The following MBOAT1 variants were observed in gnomAD, a reference collection of about 807,000 sequenced individuals.
MBOAT1 encodes membrane bound glycerophospholipid O-acyltransferase 1.
Under a neutral mutation model 64.4 loss-of-function variants are expected in MBOAT1, and 67 were observed. That is an observed-to-expected ratio of 1.04 (90% CI 0.85 to 1.27). MBOAT1 has a LOEUF of 1.27. Ranked by LOEUF, MBOAT1 falls within the 50% of genes most tolerant of loss-of-function variation. MBOAT1 has a pLI of 0.00. For synonymous variants in MBOAT1, 229 were observed against 218.9 expected, an observed-to-expected ratio of 1.05 and a Z score of -0.41; for missense variants, 563 against 604.6, an observed-to-expected ratio of 0.93 and a Z score of 0.72.
chr6:20,187,709 G>A (rs1451292801), intron 1 of MBOAT1, among the ~76,000 whole-genome samples: 1 of 152,166 alleles, frequency 6.6e-6, no homozygotes, highest in African/African-American at 2.4e-5. Flanking sequence ...GGTAAAGAAG[G>A]GAAGGAGACT....
At chr6:20,173,143 G>A (rs535781117) in intron 1 of MBOAT1, among the ~76,000 whole-genome samples, 32 of 152,266 alleles carry the variant, frequency 2.1e-4, no homozygotes, top group African/African-American at 6.7e-4. Flanking sequence ...AAGCTGATGC[G>A]GCCATGCTTC....
At chr6:20,105,734 A>G (rs563426282) in intron 12 of MBOAT1, among the ~76,000 whole-genome samples, 4 of 152,320 alleles carry the variant, frequency 2.6e-5, no homozygotes, top group African/African-American at 9.6e-5. Flanking sequence ...TGAGATCACA[A>G]TCGCGCCACT....
chr6:20,206,951 T>C (rs895956540), intron 1 of MBOAT1, among the ~76,000 whole-genome samples: 1 of 152,126 alleles, frequency 6.6e-6, no homozygotes, highest in Non-Finnish European at 1.5e-5. Flanking sequence ...CGCAAGAAGT[T>C]TTCCTCTTCA....
chr6:20,147,264 C>G (rs1449706994), intron 3 of MBOAT1, among the ~76,000 whole-genome samples: 2 of 152,198 alleles, frequency 1.3e-5, no homozygotes, highest in African/African-American at 2.4e-5. Flanking sequence ...AGAATGAGCT[C>G]AAATCCCAGC....
intron 7 of MBOAT1, chr6:20,125,945 T>C (rs894332889): frequency 1.2e-5 from 5 of 407,902 alleles, no homozygotes; most frequent in African/African-American, 1.0e-4. Flanking sequence ...ATTGAGCATA[T>C]TTGTAAAGTT....
At chr6:20,109,487 C>G (rs1400016455) in intron 12 of MBOAT1, 111 bp downstream of exon 12, 13 of 1,311,408 alleles carry the variant, frequency 9.9e-6, no homozygotes, top group Non-Finnish European at 1.3e-5. Context: ...CACACTGAAG[C>G]CCCAGTTAGA....
chr6:20,130,361 T>C (rs961254179), intron 5 of MBOAT1, among the ~76,000 whole-genome samples: 1 of 152,142 alleles, frequency 6.6e-6, no homozygotes, highest in Non-Finnish European at 1.5e-5. Context: ...GTTGTTGTTG[T>C]TGTTGTTGTT....
intron 1 of MBOAT1, among the ~76,000 whole-genome samples, chr6:20,200,029 TG>T (rs1447170065): frequency 6.6e-6 from 1 of 152,178 alleles, no homozygotes; most frequent in East Asian, 1.9e-4. Context: ...ATGGGGACAA[TG>T]GGCAATTATC....
chr6:20,123,852 C>T (rs2483765), intron 8 of MBOAT1, among the ~76,000 whole-genome samples: 2,337 of 152,110 alleles, frequency 0.015, 61 homozygotes, highest in African/African-American at 0.052. Flanking sequence ...GTCAGGAGAT[C>T]GAGACCATCC....
At chr6:20,188,368 C>T (rs1762713279) in intron 1 of MBOAT1, among the ~76,000 whole-genome samples, 1 of 152,166 alleles carries the variant, frequency 6.6e-6, no homozygotes, top group Admixed American at 6.5e-5. Flanking sequence ...CTGCTTCCTC[C>T]TGAAGACCCT....
chr6:20,180,506 C>T (rs1288182076), intron 1 of MBOAT1, among the ~76,000 whole-genome samples: 8 of 152,172 alleles, frequency 5.3e-5, no homozygotes, highest in Admixed American at 2.6e-4. Context: ...GGACAGCTCG[C>T]TAACCCCTTT....
chr6:20,202,032 G>C lies in MBOAT1; in HGVS notation c.99+10104C>G, dbSNP rs1394422595. 2.6e-5 allele frequency among the ~76,000 whole-genome samples: 4 copies of C among 152,184 alleles called. No individual in the cohort carries two copies. The East Asian group carries it at 7.7e-4, about 29-fold the overall frequency. On this transcript the variant is annotated intron_variant, in intron 1 of 12. Coordinates refer to ENST00000324607, the MANE Select transcript of MBOAT1 (RefSeq NM_001080480.3). ...GGGGCAGGGGGTGGGGGAGTCTTAG[G>C]AACAAAGAAGTCTCAATCTAGTGAC...
intron 6 of MBOAT1, among the ~76,000 whole-genome samples, chr6:20,127,321 GATAGA>G (rs963253712): frequency 6.6e-6 from 1 of 152,154 alleles, no homozygotes; most frequent in African/African-American, 2.4e-5. Flanking sequence ...GTTCTAGCAA[GATAGA>G]ATAAAGACTC....
chr6:20,128,611 A>G, intron 6 of MBOAT1, 88 bp downstream of exon 6: 1 of 905,804 alleles, frequency 1.1e-6, no homozygotes, highest in Non-Finnish European at 1.7e-6. Context: ...CATAGAACAG[A>G]ATTAATGTGT....
chr6:20,119,471 C>A (rs915313671), intron 8 of MBOAT1, among the ~76,000 whole-genome samples: 1 of 152,158 alleles, frequency 6.6e-6, no homozygotes, highest in African/African-American at 2.4e-5. Context: ...ACTGTGAAAT[C>A]TTAGATCTGG....
At chr6:20,146,020 T>A (rs1387001760) in intron 3 of MBOAT1, among the ~76,000 whole-genome samples, 2 of 152,214 alleles carry the variant, frequency 1.3e-5, no homozygotes, top group Non-Finnish European at 2.9e-5. Flanking sequence ...CCCCAACTCA[T>A]TGTGACCTTG....
intron 11 of MBOAT1, among the ~76,000 whole-genome samples, chr6:20,110,327 C>T (rs1474991890): frequency 6.6e-6 from 1 of 151,826 alleles, no homozygotes; most frequent in Non-Finnish European, 1.5e-5. Flanking sequence ...ATCTTCCCAC[C>T]TCAGCCTCCC....
intron 4 of MBOAT1, among the ~76,000 whole-genome samples, chr6:20,142,213 G>T (rs843323): frequency 2.1e-4 from 32 of 151,918 alleles, no homozygotes; most frequent in Non-Finnish European, 4.4e-5. Flanking sequence ...TTAAAGAAAA[G>T]AATAGTAAAT....
intron 9 of MBOAT1, among the ~76,000 whole-genome samples, chr6:20,117,062 C>A (rs1581399998): frequency 6.6e-6 from 1 of 152,226 alleles, no homozygotes. Flanking sequence ...ACAGGTCATT[C>A]TGAAAGCTGG....
Sources: allele counts gnomAD v4.1 joint callset (sites outside exome capture counted in the v4.1 genomes callset), GRCh38; gene constraint gnomAD v4.1.1; transcripts MANE v1.5; gene names NCBI Gene and HGNC (gene_info 2026-07-23, HGNC 2026-07-21).